Variants in SLC71A2 observed in about 807,000 individuals in gnomAD.
The protein encoded by SLC71A2 is hippocampus abundant transcript-like 1.
At chr9:94,439,022 G>GTTTTTTTTTTTT in the SLC71A2 span, among the ~76,000 whole-genome samples, 92 of 115,688 alleles carry the variant, frequency 8.0e-4, 4 homozygotes, top group Non-Finnish European at 9.3e-4. Flanking sequence ...ATTTGAGTTC[G>GTTTTTTTTTTTT]TTTTTTTTTT....
At chr9:94,409,199 G>C in the SLC71A2 span, among the ~76,000 whole-genome samples, 3 of 127,738 alleles carry the variant, frequency 2.3e-5, no homozygotes, top group Non-Finnish European at 4.7e-5. Context: ...GAGTACAGTG[G>C]TATGATGATG....
At chr9:94,420,325 T>C in the SLC71A2 span, among the ~76,000 whole-genome samples, 1 of 152,190 alleles carries the variant, frequency 6.6e-6, no homozygotes, top group Non-Finnish European at 1.5e-5. Context: ...CAGCATGCCC[T>C]GCTTAAACTG....
At chr9:94,392,682 G>T in the SLC71A2 span, among the ~76,000 whole-genome samples, 1 of 152,066 alleles carries the variant, frequency 6.6e-6, no homozygotes, top group Admixed American at 6.6e-5. Flanking sequence ...TGTATTTTTA[G>T]TAGAGACGGG....
At chr9:94,419,733 C>T in the SLC71A2 span, among the ~76,000 whole-genome samples, 1 of 152,182 alleles carries the variant, frequency 6.6e-6, no homozygotes, top group Non-Finnish European at 1.5e-5. Flanking sequence ...TGCCACTACA[C>T]TTGGCCATGG....
the SLC71A2 span, among the ~76,000 whole-genome samples, chr9:94,400,953 C>A: frequency 6.6e-6 from 1 of 151,406 alleles, no homozygotes; most frequent in Non-Finnish European, 1.5e-5. Flanking sequence ...TAAATGGTAT[C>A]TTACACTTTG....
chr9:94,460,987 A>ATTT, the SLC71A2 span: 1 of 152,108 alleles, frequency 6.6e-6, no homozygotes, highest in African/African-American at 2.4e-5. Flanking sequence ...GTGGCTTTCA[A>ATTT]TTAAACTGAG....
At chr9:94,457,381 T>C in the SLC71A2 span, among the ~76,000 whole-genome samples, 1 of 128,952 alleles carries the variant, frequency 7.8e-6, no homozygotes, top group Non-Finnish European at 1.7e-5. Flanking sequence ...AAAAATTTTT[T>C]AATGCCTAAG....
chr9:94,382,733 C>G, the SLC71A2 span, among the ~76,000 whole-genome samples: 1 of 152,016 alleles, frequency 6.6e-6, no homozygotes, highest in Non-Finnish European at 1.5e-5. Context: ...AATCTCTGCC[C>G]ACTGCAATCT....
chr9:94,383,622 T>C, the SLC71A2 span, among the ~76,000 whole-genome samples: 1 of 152,216 alleles, frequency 6.6e-6, no homozygotes, highest in African/African-American at 2.4e-5. Context: ...AATCTTGTTA[T>C]TTTTTAAAGT....
the SLC71A2 span, among the ~76,000 whole-genome samples, chr9:94,450,893 A>G: frequency 6.6e-6 from 1 of 152,212 alleles, no homozygotes; most frequent in Non-Finnish European, 1.5e-5. Flanking sequence ...TTGCCAGGTT[A>G]CTTTGGCTGC....
the SLC71A2 span, among the ~76,000 whole-genome samples, chr9:94,436,962 G>C: frequency 6.6e-6 from 1 of 152,294 alleles, no homozygotes; most frequent in South Asian, 2.1e-4. Context: ...AGAGAAGATA[G>C]ACAAATAACA....
chr9:94,448,908 T>C, the SLC71A2 span, among the ~76,000 whole-genome samples: 2 of 152,206 alleles, frequency 1.3e-5, no homozygotes, highest in African/African-American at 2.4e-5. Context: ...GCTGGGATTA[T>C]AGGCATGAGC....
At chr9:94,456,425 ACAG>A in the SLC71A2 span, 2 of 1,015,290 alleles carry the variant, frequency 2.0e-6, no homozygotes, top group African/African-American at 3.1e-5. Context: ...CTCCCCATCA[ACAG>A]CAGGAGCCGA....
the SLC71A2 span, chr9:94,445,125 A>G: frequency 2.5e-6 from 4 of 1,614,206 alleles, no homozygotes; most frequent in South Asian, 4.4e-5. Context: ...TGCCTGAGAA[A>G]ATGAGACCGG....
chr9:94,442,207 A>G, the SLC71A2 span, among the ~76,000 whole-genome samples: 2 of 152,304 alleles, frequency 1.3e-5, no homozygotes, highest in South Asian at 4.1e-4. Context: ...TTTTAAATCT[A>G]CTTCCTGGAG....
chr9:94,416,854 C>CAA, the SLC71A2 span, among the ~76,000 whole-genome samples: 3 of 131,916 alleles, frequency 2.3e-5, no homozygotes, highest in Non-Finnish European at 5.0e-5. Context: ...AACTCCATCT[C>CAA]AAAAAAAAAA....
the SLC71A2 span, among the ~76,000 whole-genome samples, chr9:94,434,815 TGAGA>T: frequency 1.3e-5 from 2 of 152,180 alleles, no homozygotes; most frequent in Non-Finnish European, 2.9e-5. Context: ...GTAAGTAAAT[TGAGA>T]GAGAAAGATA....
the SLC71A2 span, among the ~76,000 whole-genome samples, chr9:94,431,484 C>T: frequency 1.3e-4 from 20 of 149,848 alleles, no homozygotes; most frequent in Admixed American, 1.3e-3. Context: ...ATATGTAAAA[C>T]GGCATTTTAT....
the SLC71A2 span, chr9:94,459,572 G>GT: frequency 0.027 from 12,598 of 474,512 alleles, no homozygotes; most frequent in South Asian, 0.035. Flanking sequence ...TCCTCCTCCT[G>GT]TTTTTTTTTT....
Sources: gnomAD v4.1 joint callset for allele counts (sites outside exome capture counted in the v4.1 genomes callset) on GRCh38, gnomAD v4.1.1 for gene constraint, MANE v1.5 for transcripts, NCBI Gene and HGNC (gene_info 2026-07-23, HGNC 2026-07-21) for gene names.